ZSCAN12: variants seen among roughly 807,000 people sequenced by gnomAD.
The protein encoded by ZSCAN12 is zinc finger and SCAN domain-containing protein 12.
Under a neutral mutation model 23.4 loss-of-function variants are expected in ZSCAN12, and 18 were observed. That is an observed-to-expected ratio of 0.77 (90% confidence interval 0.53 to 1.14). The LOEUF is 1.14. Ranked by LOEUF, ZSCAN12 falls within the 50% of genes most tolerant of loss-of-function variation. The probability of loss-of-function intolerance (pLI) is 0.00; values close to 1 mark genes in which losing one functional copy is unlikely to be tolerated. For missense variants in ZSCAN12, 650 were observed against 735.0 expected (o/e 0.88, Z 1.34); for synonymous variants, 186 against 253.4 (o/e 0.73, Z 2.53).
Position 28,388,533 on chromosome 6 carries a change from GC to G in ZSCAN12, c.*1920del, listed in dbSNP as rs1184852705. Among the ~76,000 whole-genome samples the G allele has an allele frequency of 3.3e-5, 5 of 152,184 alleles. No individual in the cohort carries two copies. The highest frequency in any genetic ancestry group is 7.3e-5 in the Non-Finnish European group (5 of 68,030). Reference sequence around the variant, plus strand: ...CTATACAGGGTTTATGGCTAGAGAGGCAAGAGACAGGGGCACTAAGAAAATG... The same window carrying G: ...CTATACAGGGTTTATGGCTAGAGAGGAAGAGACAGGGGCACTAAGAAAATG... On this transcript the variant is annotated 3_prime_UTR_variant, in exon 4 of 4. Transcript: ENST00000684592.
intron 2 of ZSCAN12, among the ~76,000 whole-genome samples, chr6:28,394,572 G>A (rs946738892): frequency 6.6e-6 from 1 of 152,152 alleles, no homozygotes; most frequent in Non-Finnish European, 1.5e-5. Context: ...CTTCTATTCT[G>A]GGATCTCTGG....
chr6:28,390,997 G>C lies in ZSCAN12; in HGVS notation c.1293C>G (p.Ser431=). Residue 431 remains serine, a synonymous_variant, in exon 4 of 4, where the codon TCC becomes TCG. Transcript: ENST00000684592. ...TTTCTTTGTGGTGGATTTCCTGATG[G>C]GAAACAAGGGATGAGTTATAAACAA... is the stretch of plus-strand genomic sequence containing the variant. ...KAFVYNSSLV[S]HQEIHHKEKC... is the part of the protein sequence containing the mutation. The C allele has an allele frequency of 6.4e-7, 1 of 1,556,160 alleles. No individual in the cohort carries two copies. Among genetic ancestry groups the C allele is most frequent in the Non-Finnish European group, 8.7e-7 (1 of 1,149,382 alleles).
chr6:28,391,863 G>A lies in ZSCAN12; in HGVS notation c.548-121C>T. The stretch of plus-strand genomic sequence containing the variant: ...GTCTACCATCTTAGTGATAAAGAGA[G>A]CAAAATATATTTGTTTCAATATGGA... On this transcript the variant is annotated intron_variant, in intron 3 of 3. Transcript: ENST00000684592. The surrounding 1 kb of genome is among the most constrained non-coding windows in gnomAD (Gnocchi z 4.1). 1 of 806,636 alleles carries A rather than the reference G, an allele frequency of 1.2e-6. No homozygotes were observed. Among genetic ancestry groups the A allele is most frequent in the Non-Finnish European group, 1.8e-6 (1 of 543,138 alleles). The allele number at this position is 806,636 out of a possible 1,614,324, so 50.0% of individuals were successfully genotyped here.
chr6:28,390,698 C>T lies in ZSCAN12; in HGVS notation c.1592G>A (p.Gly531Glu), dbSNP rs1298457387. The change falls in exon 4 of 4, where the codon GGG becomes GAG. Residue 531 changes from glycine to glutamate, a missense_variant. By Grantham distance (98) the Gly-to-Glu change is moderately conservative (BLOSUM62 -2). Transcript: ENST00000684592. ...GCTGGTGATTCCTCGGAAGGCATTC[C>T]CACACTCATCACACTTGTAGGGCCT... ...GERPYKCDEC[G>E]NAFRGITSLI... The T allele has an allele frequency of 6.2e-7, 1 of 1,612,790 alleles. No homozygotes were observed. The highest frequency in any genetic ancestry group is 8.5e-7 in the Non-Finnish European group (1 of 1,179,424).
At chr6:28,397,216 A>C (rs1761156160) in intron 2 of ZSCAN12, among the ~76,000 whole-genome samples, 1 of 152,150 alleles carries the variant, frequency 6.6e-6, no homozygotes, top group African/African-American at 2.4e-5. Context: ...AGTTATAACA[A>C]CCAAAAATGT....
chr6:28,395,230 T>G (rs1156889209), intron 2 of ZSCAN12, among the ~76,000 whole-genome samples: 2 of 152,130 alleles, frequency 1.3e-5, no homozygotes, highest in Non-Finnish European at 2.9e-5. Context: ...CCACCGTGCC[T>G]GGCCCAAACC....
intron 2 of ZSCAN12, among the ~76,000 whole-genome samples, chr6:28,393,938 C>T (rs920302044): frequency 9.9e-5 from 15 of 152,086 alleles, no homozygotes; most frequent in African/African-American, 3.6e-4. Context: ...CAAAAATCAT[C>T]TACTCTTCAT....
chr6:28,391,145 C>G lies in ZSCAN12; in HGVS notation c.1145G>C (p.Arg382Thr), dbSNP rs1327202814. ...CTGAGTGCACTGATAAGGTTTGTCT[C>G]TTGTGTGGATCTTGATATGGTGAAA... ...GLFHHIKIHT[R>T]DKPYQCTQCN... The change falls in exon 4 of 4, where the codon AGA (arginine) becomes ACA (threonine). Residue 382 changes from arginine to threonine, a missense_variant. Transcript: ENST00000684592. This position sits in a 1 kb window ranked among gnomAD's most constrained non-coding sequence, Gnocchi z 4.1. The G allele has an allele frequency of 5.8e-6, 9 of 1,552,096 alleles. No individual in the cohort carries two copies. Among genetic ancestry groups the G allele is most frequent in the Admixed American group, 2.0e-5 (1 of 50,996 alleles).
rs1013717771 is a variant in ZSCAN12, at chr6:28,384,868, C to T, written c.*5586G>A. Among the ~76,000 whole-genome samples the T allele has an allele frequency of 6.6e-6, 1 of 152,098 alleles. No individual in the cohort carries two copies. Among genetic ancestry groups the T allele is most frequent in the Non-Finnish European group, 1.5e-5 (1 of 68,016 alleles). On this transcript the variant is annotated 3_prime_UTR_variant, in exon 4 of 4. Transcript: ENST00000684592. The stretch of plus-strand genomic sequence containing the variant: ...TCCAAAGAAATTCCAATAAAATGAG[C>T]TGCTGTAGTGACTGTGGTATATAAC...
chr6:28,381,452 T>A (rs1223537711), downstream of ZSCAN12: 1 of 152,178 alleles, frequency 6.6e-6, no homozygotes, highest in Non-Finnish European at 1.5e-5. Flanking sequence ...ATTTTCTAGG[T>A]AATATTCATG....
chr6:28,391,293 T>TA lies in ZSCAN12; in HGVS notation c.996dup (p.Asn333Ter). 6.4e-7 allele frequency: 1 copy of TA among 1,552,016 alleles called. No individual in the cohort carries two copies. The highest frequency in any genetic ancestry group is 8.7e-7 in the Non-Finnish European group (1 of 1,147,100). ...CGGCCAAAGGCTTTGCCACATTCAT[T>TA]ACACTTATACGGTTTCTCTCCAGTG... On this transcript the variant is annotated frameshift_variant, in exon 4 of 4. Transcript: ENST00000684592. LOFTEE classifies it low-confidence loss of function (END_TRUNC). The surrounding 1 kb of genome is among the most constrained non-coding windows in gnomAD (Gnocchi z 4.1).
rs1015307238 is a variant in ZSCAN12, at chr6:28,385,764, T to G, written c.*4690A>C. On this transcript the variant is annotated 3_prime_UTR_variant, in exon 4 of 4. Transcript: ENST00000684592. ...AATAAGTGTGCGGTATTGTCATTAA[T>G]AAATCCTTTTCTCAATTCCAAAAGA... is the stretch of plus-strand genomic sequence containing the variant. 1.3e-5 allele frequency among the ~76,000 whole-genome samples: 2 copies of G among 152,238 alleles called. No individual in the cohort carries two copies. Among genetic ancestry groups the G allele is most frequent in the African/African-American group, 4.8e-5 (2 of 41,466 alleles).
chr6:28,392,775 G>A, intron 3 of ZSCAN12, 127 bp downstream of exon 3: 2 of 1,000,468 alleles, frequency 2.0e-6, no homozygotes, highest in Non-Finnish European at 2.9e-6. Context: ...GTCTATATAT[G>A]AGCCATCAGA....
rs2113972418 is a variant in ZSCAN12 at position 28,388,382 on chromosome 6, C to T, written c.*2072G>A. Among the ~76,000 whole-genome samples, 1 of 152,246 alleles carries T rather than the reference C, an allele frequency of 6.6e-6. No homozygotes were observed. Among genetic ancestry groups the T allele is most frequent in the South Asian group, 2.1e-4 (1 of 4,820 alleles). On this transcript the variant is annotated 3_prime_UTR_variant, in exon 4 of 4. Transcript: ENST00000684592. Reference sequence around the variant, plus strand: ...GAAGCCAATTTGACACCTAATATACCTGAATTATAATACTTATACCATTAT... The same window carrying T: ...GAAGCCAATTTGACACCTAATATACTTGAATTATAATACTTATACCATTAT...
At chr6:28,382,026 G>T (rs1230928779), downstream of ZSCAN12, 2 of 152,628 alleles carry the variant, frequency 1.3e-5, no homozygotes, top group Non-Finnish European at 1.5e-5. Context: ...CTAAAGTTCA[G>T]GTTTGCTGCT....
chr6:28,399,363 GT>G (rs1464583272), intron 1 of ZSCAN12, among the ~76,000 whole-genome samples: 2 of 152,226 alleles, frequency 1.3e-5, no homozygotes, highest in African/African-American at 4.8e-5. Context: ...GCGAGCGTCT[GT>G]GACCCACCAC....
In ZSCAN12 at chr6:28,387,478, T is replaced by C. The variant is rs1385101010; in HGVS notation, c.*2976A>G. Among the ~76,000 whole-genome samples, 4 of 152,194 alleles carry C rather than the reference T, an allele frequency of 2.6e-5. No individual in the cohort carries two copies. The highest frequency in any genetic ancestry group is 9.7e-5 in the African/African-American group (4 of 41,444). ...GATTAGATAAGGAGTATGCATAGCA[T>C]GTTTGGTAAGGAGAACATTCTCACA... On this transcript the variant is annotated 3_prime_UTR_variant, in exon 4 of 4. Transcript: ENST00000684592.
rs775047914 is a variant in ZSCAN12 at position 28,390,785 on chromosome 6, C to T, written c.1505G>A (p.Cys502Tyr). 1.9e-6 allele frequency: 3 copies of T among 1,603,142 alleles called. No homozygotes were observed. The highest frequency in any genetic ancestry group is 2.6e-6 in the Non-Finnish European group (3 of 1,174,358). ...TGATCTTTGAGTAAACGCCTTCCCA[C>T]ACTTATCACATTTATAGGGTCTTTC... ...TGERPYKCDK[C>Y]GKAFTQRSVL... Residue 502 changes from cysteine to tyrosine, a missense_variant, in exon 4 of 4, where the codon TGT becomes TAT. Physicochemically the swap from Cys to Tyr is radical, Grantham distance 194. Coordinates refer to ENST00000684592, the MANE Select transcript of ZSCAN12 (RefSeq NM_001163391.2).
intron 1 of ZSCAN12, 126 bp from the exon 2 acceptor site, chr6:28,398,599 T>A (rs1024521963): frequency 1.9e-6 from 1 of 533,788 alleles, no homozygotes; most frequent in African/African-American, 1.9e-5. Context: ...CTCAGAAAAA[T>A]ACTCTGATAG....
Sources: gnomAD v4.1 joint callset for allele counts (sites outside exome capture counted in the v4.1 genomes callset) on GRCh38, gnomAD v4.1.1 for gene constraint, Gnocchi (gnomAD v3.1) non-coding constraint, MANE v1.5 for transcripts, NCBI Gene and HGNC (gene_info 2026-07-23, HGNC 2026-07-21) for gene names.